The following MGAT3 variants were observed in gnomAD, a reference collection of about 807,000 sequenced individuals.
The protein encoded by MGAT3 is beta-1,4-mannosyl-glycoprotein 4-beta-N-acetylglucosaminyltransferase.
MGAT3 carries 9 observed loss-of-function variants against 29.8 expected under a neutral mutation model. The ratio of observed to expected loss-of-function variants is 0.30; its 90% confidence interval spans 0.18 to 0.53. The LOEUF is 0.53. Ranked by LOEUF, MGAT3 falls within the 20% of genes least tolerant of loss-of-function variation. MGAT3 has a pLI of 0.96. For synonymous variants in MGAT3, 397 were observed against 348.9 expected (o/e 1.14, Z -1.54); for missense variants, 557 against 769.5 (o/e 0.72, Z 3.27).
intron 1 of MGAT3, among the ~76,000 whole-genome samples, chr22:39,481,830 A>G (rs1373962226): frequency 6.6e-6 from 1 of 152,200 alleles, no homozygotes; most frequent in Non-Finnish European, 1.5e-5. Context: ...TCCTTATACA[A>G]GGGTACCTGC....
intron 1 of MGAT3, among the ~76,000 whole-genome samples, chr22:39,467,752 G>A (rs1308477396): frequency 6.9e-6 from 1 of 145,906 alleles, no homozygotes; most frequent in East Asian, 2.0e-4. Flanking sequence ...GTTTCTTTCA[G>A]ATGGAGTCTG....
At chr22:39,474,767 G>T (rs1024357203) in intron 1 of MGAT3, among the ~76,000 whole-genome samples, 4 of 152,224 alleles carry the variant, frequency 2.6e-5, no homozygotes, top group African/African-American at 7.2e-5. Flanking sequence ...GGTGCTTCGG[G>T]CAGGAGCCAC....
chr22:39,485,269 CTGGA>C (rs1929239203), intron 1 of MGAT3, among the ~76,000 whole-genome samples: 1 of 152,160 alleles, frequency 6.6e-6, no homozygotes, highest in Admixed American at 6.5e-5. Flanking sequence ...GTGAAATGAG[CTGGA>C]TGGCTACGGT....
chr22:39,476,292 T>G (rs1433671452), intron 1 of MGAT3, among the ~76,000 whole-genome samples: 3 of 152,198 alleles, frequency 2.0e-5, no homozygotes, highest in Non-Finnish European at 4.4e-5. Context: ...AGAGTGGGGC[T>G]GACTCCATGA....
rs1167067277 is a variant in MGAT3, at chr22:39,488,096, C to A, written c.749C>A (p.Pro250Gln). 1.2e-6 allele frequency: 2 copies of A among 1,612,086 alleles called. No individual in the cohort carries two copies. Among genetic ancestry groups the A allele is most frequent in the Non-Finnish European group, 1.7e-6 (2 of 1,179,142 alleles). ...SNFTAYGEPRPLKFREMLTNG... is the reference protein window; with the variant it reads ...SNFTAYGEPRQLKFREMLTNG... ...TTCACGGCTTATGGGGAGCCGCGGC[C>A]GCTCAAGTTCCGGGAGATGCTGACC... Residue 250 changes from proline (P) to glutamine (Q), a missense_variant, in exon 2 of 2, where the codon CCG (proline) becomes CAG (glutamine). This residue lies in a region of MGAT3 where 243 missense variants were observed against 444.0 expected (regional missense o/e 0.55). Transcript: ENST00000341184.
Position 39,461,689 on chromosome 22 carries a change from G to T in MGAT3, c.-2+4132G>T, listed in dbSNP as rs569575389. Among the ~76,000 whole-genome samples, 27 of 152,022 alleles carry T rather than the reference G, an allele frequency of 1.8e-4. No homozygotes were observed. In the South Asian group the frequency reaches 5.6e-3, roughly 32 times the overall value. On this transcript the variant is annotated intron_variant, in intron 1 of 1. Transcript: ENST00000341184. ...CTTCCTCATGACCCCCTTCCTCTGT[G>T]ACACCAGCCCCACAACCCAAGTCAG...
chr22:39,478,254 G>T (rs1929024969), intron 1 of MGAT3, among the ~76,000 whole-genome samples: 1 of 152,262 alleles, frequency 6.6e-6, no homozygotes, highest in South Asian at 2.1e-4. Flanking sequence ...TTCCTGCCCA[G>T]AAGTAGAGAC....
chr22:39,485,816 CA>C (rs1026044678), intron 1 of MGAT3, among the ~76,000 whole-genome samples: 14 of 151,924 alleles, frequency 9.2e-5, no homozygotes, highest in African/African-American at 3.1e-4. Flanking sequence ...CAAAAACACA[CA>C]AAAAAAATTT....
At chr22:39,475,924 A>G (rs947269941) in intron 1 of MGAT3, 2 of 152,308 alleles carry the variant, frequency 1.3e-5, no homozygotes, top group Admixed American at 6.5e-5. Flanking sequence ...CAGCCTGGGT[A>G]ACATAGGTCT....
In MGAT3 at chr22:39,457,909, C is replaced by T. The variant is rs1200486849; in HGVS notation, c.-2+352C>T. Among the ~76,000 whole-genome samples, 1 of 151,676 alleles carries T rather than the reference C, an allele frequency of 6.6e-6. No individual in the cohort carries two copies. Among genetic ancestry groups the T allele is most frequent in the Non-Finnish European group, 1.5e-5 (1 of 67,876 alleles). ...CTTTGTGCGCGGCACCCCCCAGCCT[C>T]CGGCGCGGCTCCCCCACAACCTCCG... On this transcript the variant is annotated intron_variant, in intron 1 of 1. Transcript: ENST00000341184. The surrounding 1 kb of genome is among the most constrained non-coding windows in gnomAD (Gnocchi z 6.8).
At chr22:39,459,460 G>GTTTTGT (rs1198302963) in intron 1 of MGAT3, among the ~76,000 whole-genome samples, 37 of 152,020 alleles carry the variant, frequency 2.4e-4, no homozygotes, top group Non-Finnish European at 4.6e-4. Context: ...AAATGGGGAG[G>GTTTTGT]TTTTGTTTTT....
chr22:39,485,482 A>G (rs970792696), intron 1 of MGAT3, among the ~76,000 whole-genome samples: 1 of 151,990 alleles, frequency 6.6e-6, no homozygotes, highest in African/African-American at 2.4e-5. Flanking sequence ...ATAATCTACA[A>G]ATATTCTAAA....
In MGAT3 at chr22:39,488,848, C is replaced by A; in HGVS notation, c.1501C>A (p.Pro501Thr). ...YDRFHYLLDNPYQEPRSTAAG... is the reference protein window; with the variant it reads ...YDRFHYLLDNTYQEPRSTAAG... ...CCGGTTCCACTACCTGCTGGACAAC[C>A]CCTACCAGGAGCCCAGGAGCACGGC... The change falls in exon 2 of 2, where the codon CCC becomes ACC. Residue 501 changes from proline to threonine, a missense_variant. Pro to Thr is a conservative substitution (Grantham distance 38). Around this residue, in one of 3 missense-constraint regions of MGAT3, gnomAD observed 102 missense variants for 97.0 expected, o/e 1.05. Coordinates refer to ENST00000341184, the MANE Select transcript of MGAT3 (RefSeq NM_002409.5). 6.2e-7 allele frequency: 1 copy of A among 1,608,272 alleles called. No individual in the cohort carries two copies. Among genetic ancestry groups the A allele is most frequent in the Non-Finnish European group, 8.5e-7 (1 of 1,177,514 alleles).
At chr22:39,471,755 CAG>C (rs1669631743) in intron 1 of MGAT3, among the ~76,000 whole-genome samples, 1 of 152,168 alleles carries the variant, frequency 6.6e-6, no homozygotes, top group Non-Finnish European at 1.5e-5. Context: ...ACACGAGGCA[CAG>C]GGGCAGAGGG....
chr22:39,469,704 A>ATTT (rs1490600313), intron 1 of MGAT3, among the ~76,000 whole-genome samples: 1 of 151,982 alleles, frequency 6.6e-6, no homozygotes, highest in African/African-American at 2.4e-5. Flanking sequence ...GGCGGGGAGC[A>ATTT]CCCTCCCTTC....
chr22:39,459,395 G>A (rs1419467636), intron 1 of MGAT3, among the ~76,000 whole-genome samples: 2 of 152,026 alleles, frequency 1.3e-5, no homozygotes, highest in African/African-American at 4.8e-5. Context: ...TTTTTCTGTA[G>A]TAACTGGACC....
chr22:39,481,678 A>G (rs1929130766), intron 1 of MGAT3, among the ~76,000 whole-genome samples: 1 of 152,174 alleles, frequency 6.6e-6, no homozygotes, highest in Non-Finnish European at 1.5e-5. Context: ...CTGTCACTCT[A>G]CTTGGGTTGA....
chr22:39,461,899 C>A (rs1928508652), intron 1 of MGAT3, among the ~76,000 whole-genome samples: 1 of 150,656 alleles, frequency 6.6e-6, no homozygotes, highest in Non-Finnish European at 1.5e-5. Context: ...TCACACTGAC[C>A]CACTCTTTTT....
At position 39,489,533 on chromosome 22, in the gene MGAT3, T is replaced by C. The variant is rs1601732687; in HGVS notation, c.*584T>C. 2 of 169,668 alleles carry C rather than the reference T, an allele frequency of 1.2e-5. No homozygotes were observed. Among genetic ancestry groups the C allele is most frequent in the South Asian group, 4.0e-4 (2 of 5,020 alleles). 10.5% of individuals were successfully genotyped at this position (169,668 alleles called of 1,614,324 possible). A position where few individuals can be genotyped will look rare whatever the true frequency, so the allele number is the denominator to read the frequency against. ...GTGTAGTCAGAAGTGCTGGGCCAGA[T>C]GGAGACAGAACTCCACCCCCTGCCG... On this transcript the variant is annotated 3_prime_UTR_variant, in exon 2 of 2. Transcript: ENST00000341184.
Sources: allele counts gnomAD v4.1 joint callset (sites outside exome capture counted in the v4.1 genomes callset), GRCh38; gene constraint gnomAD v4.1.1; regional missense constraint gnomAD v4.1.1; non-coding constraint Gnocchi (gnomAD v3.1); transcripts MANE v1.5; gene names NCBI Gene and HGNC (gene_info 2026-07-23, HGNC 2026-07-21).